The following COL28A1 variants were observed in gnomAD, a reference collection of about 807,000 sequenced individuals.
COL28A1 encodes the protein collagen type XXVIII alpha 1 chain.
Under a neutral mutation model 150.2 loss-of-function variants are expected in COL28A1, and 161 were observed. The ratio of observed to expected loss-of-function variants is 1.07; its 90% CI spans 0.94 to 1.22. The LOEUF (loss-of-function observed/expected upper bound fraction) is 1.22. COL28A1 is among the 50% of genes most tolerant of loss of function. The pLI, the probability that COL28A1 is intolerant of heterozygous loss-of-function variation, is 0.00. For synonymous variants in COL28A1, 552 were observed against 469.7 expected, an observed-to-expected ratio of 1.18 and a Z score of -2.26; for missense variants, 1,617 against 1,388.3, an observed-to-expected ratio of 1.16 and a Z score of -2.62.
At chr7:7,517,382 A>G (rs1781473801) in intron 7 of COL28A1, among the ~76,000 whole-genome samples, 1 of 152,206 alleles carries the variant, frequency 6.6e-6, no homozygotes, top group African/African-American at 2.4e-5. Flanking sequence ...GGTATAAGAA[A>G]TCAAATAGAA....
the COL28A1 span, among the ~76,000 whole-genome samples, chr7:7,345,442 T>C: frequency 5.9e-5 from 9 of 152,120 alleles, no homozygotes; most frequent in African/African-American, 2.2e-4. Context: ...TTTCTGGTGT[T>C]CTTCGTTCCT....
intron 27 of COL28A1, among the ~76,000 whole-genome samples, chr7:7,396,720 C>T (rs1782855278): frequency 6.6e-6 from 1 of 152,182 alleles, no homozygotes; most frequent in Non-Finnish European, 1.5e-5. Context: ...GAATACAATC[C>T]TGATGGGCTT....
chr7:7,431,361 A>G (rs1204351447), intron 25 of COL28A1: 2 of 347,692 alleles, frequency 5.8e-6, no homozygotes, highest in Non-Finnish European at 1.2e-5. Flanking sequence ...CTTCACTCTC[A>G]TGGAATATGC....
chr7:7,438,066 C>T (rs550329618), intron 21 of COL28A1, among the ~76,000 whole-genome samples: 8 of 151,212 alleles, frequency 5.3e-5, no homozygotes, highest in Non-Finnish European at 8.8e-5. Flanking sequence ...AAAACCCCAT[C>T]GCTACTAAAA....
the COL28A1 span, among the ~76,000 whole-genome samples, chr7:7,345,454 C>T: frequency 5.3e-5 from 8 of 152,176 alleles, no homozygotes; most frequent in East Asian, 1.5e-3. Context: ...TTCGTTCCTT[C>T]CAGTAGATCC....
chr7:7,486,927 T>C (rs1779653178), intron 13 of COL28A1, among the ~76,000 whole-genome samples: 1 of 152,132 alleles, frequency 6.6e-6, no homozygotes, highest in South Asian at 2.1e-4. Context: ...AGTATTTTGT[T>C]TTGGTATCAG....
chr7:7,419,842 A>T (rs1268079578), intron 26 of COL28A1, 43 bp downstream of exon 26: 11 of 1,305,436 alleles, frequency 8.4e-6, no homozygotes, highest in Non-Finnish European at 1.1e-5. Flanking sequence ...TTTGTCACTG[A>T]TGATATCTGA....
downstream of COL28A1, chr7:7,356,220 A>G (rs114371909): frequency 3.5e-3 from 534 of 152,312 alleles, 4 homozygotes; most frequent in African/African-American, 0.012. Context: ...AAAACTGTAA[A>G]ATAAGCAAGG....
chr7:7,493,502 G>A (rs910293171), intron 11 of COL28A1, among the ~76,000 whole-genome samples: 2 of 152,128 alleles, frequency 1.3e-5, no homozygotes, highest in Middle Eastern at 3.2e-3. Context: ...CAGTTGCAGG[G>A]ATCTGAAGAT....
chr7:7,415,269 T>C (rs1214576264), intron 27 of COL28A1, among the ~76,000 whole-genome samples: 6 of 152,200 alleles, frequency 3.9e-5, no homozygotes, highest in Non-Finnish European at 8.8e-5. Context: ...AAATGCTCTT[T>C]GGAAAGGGGT....
chr7:7,421,910 T>A (rs936927179), intron 25 of COL28A1, among the ~76,000 whole-genome samples: 3 of 152,182 alleles, frequency 2.0e-5, no homozygotes, highest in Non-Finnish European at 4.4e-5. Context: ...CTGACTCCCA[T>A]CTTTGAGGGT....
chr7:7,463,856 A>G (rs1358154576), intron 15 of COL28A1, among the ~76,000 whole-genome samples: 1 of 152,174 alleles, frequency 6.6e-6, no homozygotes, highest in African/African-American at 2.4e-5. Context: ...GTTCACTTAA[A>G]ATACATAGAA....
At chr7:7,464,719 CACAA>C (rs1266396430) in intron 15 of COL28A1, among the ~76,000 whole-genome samples, 13 of 152,222 alleles carry the variant, frequency 8.5e-5, no homozygotes, top group East Asian at 3.9e-4. Flanking sequence ...TCTGAAAGAG[CACAA>C]ACAAACAATT....
intron 25 of COL28A1, among the ~76,000 whole-genome samples, chr7:7,429,428 A>T (rs1406288633): frequency 1.0e-5 from 1 of 95,926 alleles, no homozygotes; most frequent in East Asian, 2.8e-4. Flanking sequence ...TCTCTCTCTC[A>T]CATACACACA....
intron 18 of COL28A1, among the ~76,000 whole-genome samples, chr7:7,451,126 C>T (rs1786658341): frequency 6.6e-6 from 1 of 152,008 alleles, no homozygotes; most frequent in Admixed American, 6.6e-5. Flanking sequence ...TTTAAAAAGT[C>T]TAGAGTCAGT....
intron 23 of COL28A1, among the ~76,000 whole-genome samples, chr7:7,434,447 G>A (rs1297012497): frequency 1.3e-5 from 2 of 152,118 alleles, no homozygotes; most frequent in Non-Finnish European, 2.9e-5. Flanking sequence ...TTTACACAAG[G>A]AGAGGGCCAA....
At position 7,381,561 on chromosome 7, in the gene COL28A1, C is replaced by A. The variant is rs1309834451; in HGVS notation, c.2188G>T (p.Gly730Cys). ...ACACTTACCTTCTGGCCTGGGAGGC[C>A]ATGGCCCATTGTGCCCTTTGGGCCT... ...FPGPKGTMGHGLPGQKGEHGE... is the reference protein window; with the variant it reads ...FPGPKGTMGHCLPGQKGEHGE... Residue 730 changes from glycine to cysteine, a missense_variant, in exon 28 of 35, where the codon GGC becomes TGC. By Grantham distance (159) the Gly-to-Cys change is radical (BLOSUM62 -3). Transcript: ENST00000399429. 6.2e-7 allele frequency: 1 copy of A among 1,613,734 alleles called. No homozygotes were observed. Among genetic ancestry groups the A allele is most frequent in the Non-Finnish European group, 8.5e-7 (1 of 1,179,636 alleles).
In COL28A1 at chr7:7,477,145, C is replaced by T. The variant is rs779040121; in HGVS notation, c.1200G>A (p.Arg400=). The stretch of plus-strand genomic sequence containing the variant: ...CTGGAAATCCTTCTCCGGGTAAGCC[C>T]CTCTCTCCTGGTACTCCCTCAGGAC... ...PRGPEGVPGE[R]GLPGEGFPGP... The change falls in exon 14 of 35, where the codon AGG becomes AGA. Residue 400 remains arginine, a synonymous_variant. Coordinates refer to ENST00000399429, the MANE Select transcript of COL28A1 (RefSeq NM_001037763.3). The T allele has an allele frequency of 6.6e-6, 9 of 1,355,076 alleles. No homozygotes were observed. The East Asian group carries it at 1.8e-4, about 27-fold the overall frequency. 83.9% of individuals were successfully genotyped at this position (1,355,076 alleles called of 1,614,324 possible).
chr7:7,412,292 A>T (rs547230908), intron 27 of COL28A1, among the ~76,000 whole-genome samples: 1 of 152,234 alleles, frequency 6.6e-6, no homozygotes, highest in African/African-American at 2.4e-5. Flanking sequence ...AAGGTTTTCT[A>T]AAATTCTGTG....
Sources: allele counts gnomAD v4.1 joint callset (sites outside exome capture counted in the v4.1 genomes callset), GRCh38; gene constraint gnomAD v4.1.1; transcripts MANE v1.5; gene names NCBI Gene and HGNC (gene_info 2026-07-23, HGNC 2026-07-21).